TUBGCP3: variants seen among roughly 807,000 people sequenced by gnomAD.
The protein encoded by TUBGCP3 is gamma-tubulin complex component 3.
In TUBGCP3, 50 loss-of-function variants were observed where a neutral mutation model predicts 123.1. The observed-to-expected ratio is 0.41, with a 90% confidence interval of 0.32 to 0.51. The LOEUF is 0.51. TUBGCP3 is among the 20% of genes least tolerant of loss of function. The pLI is 0.36. For missense variants in TUBGCP3, 882 were observed against 1,127.0 expected (o/e 0.78, Z 3.11); for synonymous variants, 405 against 413.9 (o/e 0.98, Z 0.26).
In TUBGCP3 at chr13:112,554,942, T is replaced by C; in HGVS notation, c.785A>G (p.Asp262Gly). 2.5e-6 allele frequency: 4 copies of C among 1,613,598 alleles called. No individual in the cohort carries two copies. The highest frequency in any genetic ancestry group is 3.4e-6 in the Non-Finnish European group (4 of 1,179,922). Residue 262 changes from aspartate to glycine, a missense_variant, in exon 7 of 22, where the codon GAT becomes GGT. Asp to Gly is a moderately conservative substitution (Grantham distance 94, BLOSUM62 -1). Coordinates refer to ENST00000261965, the MANE Select transcript of TUBGCP3 (RefSeq NM_006322.6). Reference protein sequence around the residue: ...RDILYVFQGIDGKNIKMNNTE... With the variant: ...RDILYVFQGIGGKNIKMNNTE... The stretch of plus-strand genomic sequence containing the variant: ...GTTGTTCATTTTGATGTTTTTGCCA[T>C]CTATGCCCTGAAAGACGTACAAAAT...
At chr13:112,583,072 C>T (rs920765008) in intron 1 of TUBGCP3, among the ~76,000 whole-genome samples, 1 of 152,130 alleles carries the variant, frequency 6.6e-6, no homozygotes, top group African/African-American at 2.4e-5. Flanking sequence ...ACCTTGGCCC[C>T]GCAATTTACT....
At position 112,556,025 on chromosome 13, in the gene TUBGCP3, G is replaced by T. The variant is rs778575298; in HGVS notation, c.721+27C>A. On this transcript the variant is annotated intron_variant, in intron 6 of 21. Transcript: ENST00000261965. ...CTGAATTCCAAGTGTTCACAGAAAA[G>T]CTGTATTAACATAGATCCTTACTCA... The T allele has an allele frequency of 1.9e-6, 3 of 1,582,642 alleles. No homozygotes were observed. The East Asian group carries it at 6.8e-5, about 36-fold the overall frequency.
At chr13:112,587,867 G>T in intron 1 of TUBGCP3, 38 bp downstream of exon 1, 1 of 1,557,294 alleles carries the variant, frequency 6.4e-7, no homozygotes. Context: ...CAGCCCCCGG[G>T]ACGGGTCTGC....
Position 112,504,722 on chromosome 13 carries a change from G to T in TUBGCP3, c.2087-8C>A. On this transcript the variant is annotated splice_polypyrimidine_tract_variant and splice_region_variant and intron_variant, in intron 17 of 21. Coordinates refer to ENST00000261965, the MANE Select transcript of TUBGCP3 (RefSeq NM_006322.6). ...GCAGCACCCCGGAGAACTCTGCAAG[G>T]GAAGAGTTGACGTCAGAGGTGCAAT... 6.2e-7 allele frequency: 1 copy of T among 1,611,888 alleles called. No individual in the cohort carries two copies. The highest frequency in any genetic ancestry group is 8.5e-7 in the Non-Finnish European group (1 of 1,178,494).
At chr13:112,544,829 AAAC>A (rs1448348257) in intron 11 of TUBGCP3, 1 of 152,310 alleles carries the variant, frequency 6.6e-6, no homozygotes, top group Non-Finnish European at 1.5e-5. Context: ...CTTGCTTTAA[AAAC>A]AACTTGTAAC....
intron 3 of TUBGCP3, among the ~76,000 whole-genome samples, chr13:112,560,099 A>G (rs1880373037): frequency 6.7e-6 from 1 of 148,732 alleles, no homozygotes; most frequent in African/African-American, 2.5e-5. Flanking sequence ...ACACCACTGC[A>G]ATCCAGCTGG....
chr13:112,594,872 T>C, the TUBGCP3 span, among the ~76,000 whole-genome samples: 1 of 152,210 alleles, frequency 6.6e-6, no homozygotes, highest in Non-Finnish European at 1.5e-5. Context: ...TTGGAGATTT[T>C]CCTGTTATTT....
intron 2 of TUBGCP3, among the ~76,000 whole-genome samples, chr13:112,567,018 T>A (rs761462179): frequency 5.3e-5 from 8 of 152,236 alleles, no homozygotes; most frequent in Non-Finnish European, 1.0e-4. Context: ...ACAACTGTAA[T>A]CAAATTTCAA....
At position 112,524,769 on chromosome 13, in the gene TUBGCP3, T is replaced by C. The variant is rs1876912712; in HGVS notation, c.1555+2173A>G. Among the ~76,000 whole-genome samples the C allele has an allele frequency of 6.6e-6, 1 of 152,194 alleles. No homozygotes were observed. The highest frequency in any genetic ancestry group is 2.4e-5 in the African/African-American group (1 of 41,444). ...CATCCTGCCTTGTCCTGAGTTACCA[T>C]GGTGAGATAAGTGCTTCCAAAATCT... is the stretch of plus-strand genomic sequence containing the variant. On this transcript the variant is annotated intron_variant, in intron 13 of 21. Transcript: ENST00000261965. The surrounding 1 kb of genome is among the most constrained non-coding windows in gnomAD (Gnocchi z 4.4).
chr13:112,510,748 C>A (rs1234876816), intron 17 of TUBGCP3, among the ~76,000 whole-genome samples: 1 of 152,182 alleles, frequency 6.6e-6, no homozygotes, highest in East Asian at 1.9e-4. Context: ...GGCCACACAG[C>A]CTCAGAGACA....
At chr13:112,584,949 A>C (rs1024006143) in intron 1 of TUBGCP3, among the ~76,000 whole-genome samples, 2 of 152,246 alleles carry the variant, frequency 1.3e-5, no homozygotes, top group Non-Finnish European at 2.9e-5. Context: ...AGATGTTATA[A>C]GTTGGAAAAG....
At position 112,545,921 on chromosome 13, in the gene TUBGCP3, C is replaced by A; in HGVS notation, c.1169-56G>T. 1 of 1,570,244 alleles carries A rather than the reference C, an allele frequency of 6.4e-7. No homozygotes were observed. Among genetic ancestry groups the A allele is most frequent in the East Asian group, 2.3e-5 (1 of 43,990 alleles). ...CATCCACATTTACACTCATAGTACA[C>A]ACCAGTCACTTCTCACCAACCAAAG... On this transcript the variant is annotated intron_variant, in intron 10 of 21. Coordinates refer to ENST00000261965, the MANE Select transcript of TUBGCP3 (RefSeq NM_006322.6). The surrounding 1 kb of genome is among the most constrained non-coding windows in gnomAD (Gnocchi z 4.1).
At chr13:112,521,901 A>G in intron 14 of TUBGCP3, 1 of 962,988 alleles carries the variant, frequency 1.0e-6, no homozygotes, top group Non-Finnish European at 1.2e-6. Context: ...GTCAGGGAGC[A>G]AAATGAAAAG....
chr13:112,578,558 C>CAAAAAAAAAAAA lies in TUBGCP3; in HGVS notation c.77-9311_77-9300dup, dbSNP rs71131496. On this transcript the variant is annotated intron_variant, in intron 1 of 21. Transcript: ENST00000261965. ...TGGGCGAAAGAGTGAGACTCCGTCT[C>CAAAAAAAAAAAA]AAAAAAAAAAAAAAAAAAAAAAAAA... 7.5e-3 allele frequency among the ~76,000 whole-genome samples: 187 copies of CAAAAAAAAAAAA among 24,904 alleles called. 1 individual carries two copies. Among genetic ancestry groups the CAAAAAAAAAAAA allele is most frequent in the Middle Eastern group, 0.045 (1 of 22 alleles). 16.3% of individuals were successfully genotyped at this position (24,904 alleles called of 152,430 possible). A position where few individuals can be genotyped will look rare whatever the true frequency, so the allele number is the denominator to read the frequency against.
intron 11 of TUBGCP3, among the ~76,000 whole-genome samples, chr13:112,534,832 C>A (rs1037686414): frequency 1.3e-5 from 2 of 152,128 alleles, no homozygotes; most frequent in African/African-American, 2.4e-5. Flanking sequence ...AACTTAGTGG[C>A]TTCTAGTATA....
At chr13:112,569,584 G>A (rs904904061) in intron 1 of TUBGCP3, among the ~76,000 whole-genome samples, 24 of 152,104 alleles carry the variant, frequency 1.6e-4, no homozygotes, top group African/African-American at 3.9e-4. Flanking sequence ...AGAGGAGGCC[G>A]GGTCAAGAGA....
chr13:112,559,023 C>A (rs1880283361), intron 4 of TUBGCP3, among the ~76,000 whole-genome samples: 1 of 152,176 alleles, frequency 6.6e-6, no homozygotes. Flanking sequence ...TAAAGAATTA[C>A]CTATCAGTGC....
At chr13:112,560,685 T>A (rs1041325314) in intron 3 of TUBGCP3, among the ~76,000 whole-genome samples, 3 of 152,248 alleles carry the variant, frequency 2.0e-5, no homozygotes, top group Admixed American at 2.0e-4. Context: ...CTCTCCATTA[T>A]ATAAAACATT....
At chr13:112,599,647 C>T in the TUBGCP3 span, among the ~76,000 whole-genome samples, 1 of 152,074 alleles carries the variant, frequency 6.6e-6, no homozygotes, top group Non-Finnish European at 1.5e-5. Flanking sequence ...CCTGGGACTA[C>T]AGGCGCATGC....
Sources: gnomAD v4.1 joint callset for allele counts (sites outside exome capture counted in the v4.1 genomes callset) on GRCh38, gnomAD v4.1.1 for gene constraint, Gnocchi (gnomAD v3.1) non-coding constraint, MANE v1.5 for transcripts, NCBI Gene and HGNC (gene_info 2026-07-23, HGNC 2026-07-21) for gene names.